PLD3: variants seen among roughly 807,000 people sequenced by gnomAD.
PLD3 encodes 5'-3' exonuclease PLD3.
PLD3 carries 31 observed loss-of-function variants against 58.4 expected under a neutral mutation model. That is an observed-to-expected ratio of 0.53 (90% CI 0.40 to 0.72). The LOEUF is 0.72. Ranked by LOEUF, PLD3 falls within the 30% of genes least tolerant of loss-of-function variation. The pLI, the probability that PLD3 is intolerant of heterozygous loss-of-function variation, is 0.00. For missense variants in PLD3, 595 were observed against 659.8 expected (o/e 0.90, Z 1.08); for synonymous variants, 264 against 273.4 (o/e 0.97, Z 0.34).
At position 40,378,115 on chromosome 19, in the gene PLD3, A is replaced by G. The variant is rs112540062; in HGVS notation, c.1415A>G (p.Tyr472Cys). ...TTCCTGAGGGACTGGGACTCCCCTT[A>G]CAGCCATGACCTTGACACCTCAGCT... ...AIFLRDWDSP[Y>C]SHDLDTSADS... The change falls in exon 13 of 13, where the codon TAC (tyrosine) becomes TGC (cysteine). Residue 472 changes from tyrosine (Y) to cysteine (C), a missense_variant. Coordinates refer to ENST00000409735, the MANE Select transcript of PLD3 (RefSeq NM_012268.4). 3 of 1,613,846 alleles carry G rather than the reference A, an allele frequency of 1.9e-6. No individual in the cohort carries two copies. The highest frequency in any genetic ancestry group is 3.3e-5 in the Admixed American group (2 of 60,006).
intron 1 of PLD3, among the ~76,000 whole-genome samples, chr19:40,352,796 C>T (rs1216512197): frequency 6.6e-6 from 1 of 151,714 alleles, no homozygotes; most frequent in Non-Finnish European, 1.5e-5. Context: ...GATCCCAACT[C>T]TACAAAAAAA....
chr19:40,366,256 G>A (rs995810487), intron 2 of PLD3, 163 bp from the exon 3 acceptor site: 4 of 600,774 alleles, frequency 6.7e-6, no homozygotes, highest in African/African-American at 1.9e-5. Flanking sequence ...GAGGGATTTC[G>A]AAATCCTGCT....
At chr19:40,375,476 C>T (rs2079171574) in intron 10 of PLD3, among the ~76,000 whole-genome samples, 1 of 150,716 alleles carries the variant, frequency 6.6e-6, no homozygotes, top group South Asian at 2.1e-4. Flanking sequence ...TGGTGAAGCC[C>T]CGTCTCTACT....
intron 1 of PLD3, chr19:40,357,751 G>A (rs1170536719): frequency 2.0e-5 from 3 of 152,062 alleles, no homozygotes; most frequent in Non-Finnish European, 2.9e-5. Flanking sequence ...AATCAGACAC[G>A]GACATAGCAA....
chr19:40,377,965 G>A, intron 12 of PLD3, 21 bp from the exon 13 acceptor site: 1 of 1,612,710 alleles, frequency 6.2e-7, no homozygotes, highest in Non-Finnish European at 8.5e-7. Context: ...GTGCCCTTAT[G>A]CTCCACCCAT....
intron 5 of PLD3, chr19:40,367,142 A>C: frequency 1.8e-6 from 1 of 542,168 alleles, no homozygotes. Context: ...AGCATCTTCC[A>C]CCCACATCTG....
chr19:40,361,786 T>C (rs1344471003), intron 1 of PLD3, among the ~76,000 whole-genome samples: 2 of 150,660 alleles, frequency 1.3e-5, no homozygotes, highest in Non-Finnish European at 3.0e-5. Context: ...TGATCCTCTA[T>C]GGCACTTACT....
At chr19:40,354,453 A>G (rs1175462133) in intron 1 of PLD3, among the ~76,000 whole-genome samples, 2 of 151,898 alleles carry the variant, frequency 1.3e-5, no homozygotes, top group African/African-American at 2.4e-5. Context: ...GGCTTAAGTA[A>G]TCTCCCTGCT....
At chr19:40,376,578 C>T (rs1568684064) in intron 10 of PLD3, 31 bp from the exon 11 acceptor site, 1 of 1,595,952 alleles carries the variant, frequency 6.3e-7, no homozygotes, top group Middle Eastern at 1.9e-4. Context: ...CCCTCTGCAT[C>T]CTGCCCCACC....
chr19:40,365,365 C>T (rs190839810), intron 1 of PLD3, among the ~76,000 whole-genome samples: 1 of 152,226 alleles, frequency 6.6e-6, no homozygotes, highest in East Asian at 1.9e-4. Context: ...AAATCAAATA[C>T]CAAAATCTAA....
At chr19:40,356,166 G>A (rs1176069840) in intron 1 of PLD3, 1 of 152,420 alleles carries the variant, frequency 6.6e-6, no homozygotes, top group African/African-American at 2.4e-5. Context: ...TGATGAAAGT[G>A]TGGTTTTGGT....
At chr19:40,373,686 A>AGG (rs1258824657) in intron 9 of PLD3, among the ~76,000 whole-genome samples, 1 of 151,702 alleles carries the variant, frequency 6.6e-6, no homozygotes, top group Non-Finnish European at 1.5e-5. Flanking sequence ...TGAGCAAATC[A>AGG]GGGAAGAAAG....
At position 40,378,241 on chromosome 19, in the gene PLD3, C is replaced by A; in HGVS notation, c.*68C>A. On this transcript the variant is annotated 3_prime_UTR_variant, in exon 13 of 13. Transcript: ENST00000409735. ...GGACCCAGGTGCTCTGGGTCACGGT[C>A]CCTGTCCCCGCGCCCCCGCTTCTGT... is the stretch of plus-strand genomic sequence containing the variant. 1.4e-6 allele frequency: 2 copies of A among 1,464,292 alleles called. No individual in the cohort carries two copies. The highest frequency in any genetic ancestry group is 2.3e-5 in the South Asian group (2 of 87,278). The allele number at this position is 1,464,292 out of a possible 1,614,324, so 90.7% of individuals were successfully genotyped here. A position where few individuals can be genotyped will look rare whatever the true frequency, so the allele number is the denominator to read the frequency against.
At chr19:40,352,133 C>T (rs1295304659) in intron 1 of PLD3, among the ~76,000 whole-genome samples, 3 of 151,948 alleles carry the variant, frequency 2.0e-5, no homozygotes, top group East Asian at 3.9e-4. Context: ...ATTAGCTGGG[C>T]GTTGTGGCTT....
At chr19:40,356,431 T>C (rs1253269692) in intron 1 of PLD3, 1 of 152,072 alleles carries the variant, frequency 6.6e-6, no homozygotes, top group Non-Finnish European at 1.5e-5. Flanking sequence ...GGGACCCAGG[T>C]GGGAGAGACT....
At chr19:40,353,945 A>C (rs1185355115) in intron 1 of PLD3, among the ~76,000 whole-genome samples, 1 of 151,456 alleles carries the variant, frequency 6.6e-6, no homozygotes, top group Non-Finnish European at 1.5e-5. Flanking sequence ...CCCAGGCTGG[A>C]GTGCAGTGGT....
intron 11 of PLD3, among the ~76,000 whole-genome samples, chr19:40,377,237 G>A (rs1244661208): frequency 2.8e-5 from 3 of 108,036 alleles, no homozygotes; most frequent in Non-Finnish European, 5.9e-5. Context: ...GGCACAGAGA[G>A]AGGGTTTGGG....
chr19:40,370,494 G>A (rs1042359357), intron 8 of PLD3: 5 of 326,246 alleles, frequency 1.5e-5, no homozygotes, highest in Non-Finnish European at 2.8e-5. Flanking sequence ...GCAACATAGT[G>A]AGACCCCATC....
intron 9 of PLD3, among the ~76,000 whole-genome samples, chr19:40,372,414 T>C (rs909599254): frequency 3.9e-5 from 6 of 152,128 alleles, no homozygotes; most frequent in African/African-American, 1.4e-4. Context: ...GGGGGATCAC[T>C]TGAGCCCAGG....
Sources: gnomAD v4.1 joint callset for allele counts (sites outside exome capture counted in the v4.1 genomes callset) on GRCh38, gnomAD v4.1.1 for gene constraint, MANE v1.5 for transcripts, NCBI Gene and HGNC (gene_info 2026-07-23, HGNC 2026-07-21) for gene names.